PTPRD: variants seen among roughly 807,000 people sequenced by gnomAD.
The protein encoded by PTPRD is protein tyrosine phosphatase receptor type D.
Under a neutral mutation model 214.5 loss-of-function variants are expected in PTPRD, and 34 were observed. The observed-to-expected ratio is 0.16, with a 90% CI of 0.12 to 0.21. The LOEUF is 0.21. Among genes scored for constraint, PTPRD ranks in the 10% least tolerant of loss-of-function variants. The probability of loss-of-function intolerance (pLI) is 1.00; values close to 1 mark genes in which losing one functional copy is unlikely to be tolerated. For synonymous variants in PTPRD, 1,128 were observed against 845.7 expected, an observed-to-expected ratio of 1.33 and a Z score of -5.79; for missense variants, 2,545 against 2,398.7, an observed-to-expected ratio of 1.06 and a Z score of -1.27.
chr9:10,509,556 A>AC (rs2133696577), intron 2 of PTPRD, among the ~76,000 whole-genome samples: 1 of 4,626 alleles, frequency 2.2e-4, no homozygotes, highest in East Asian at 0.011. Flanking sequence ...TTTAATAAAT[A>AC]TTATATATAT....
At chr9:9,618,360 C>G (rs1255623286) in intron 7 of PTPRD, among the ~76,000 whole-genome samples, 1 of 151,714 alleles carries the variant, frequency 6.6e-6, no homozygotes, top group African/African-American at 2.4e-5. Flanking sequence ...ACTTTAACCT[C>G]TTTTTTCCTC....
At chr9:10,559,797 C>A (rs7873368) in intron 2 of PTPRD, among the ~76,000 whole-genome samples, 3 of 151,920 alleles carry the variant, frequency 2.0e-5, no homozygotes, top group African/African-American at 7.3e-5. Context: ...AGCCAAAAAA[C>A]ACATGAAAAA....
At chr9:8,818,287 T>C (rs1241332842) in intron 11 of PTPRD, among the ~76,000 whole-genome samples, 3 of 152,216 alleles carry the variant, frequency 2.0e-5, no homozygotes, top group Non-Finnish European at 2.9e-5. Flanking sequence ...TTACAATCTA[T>C]ATTCTCTGCC....
At chr9:9,208,674 T>C (rs866670914) in intron 9 of PTPRD, among the ~76,000 whole-genome samples, 8 of 152,216 alleles carry the variant, frequency 5.3e-5, no homozygotes, top group Admixed American at 6.5e-5. Flanking sequence ...TTTCTCTATG[T>C]AGAAAGAAAT....
chr9:10,503,586 T>C (rs905987341), intron 2 of PTPRD, among the ~76,000 whole-genome samples: 1 of 152,062 alleles, frequency 6.6e-6, no homozygotes, highest in African/African-American at 2.4e-5. Context: ...TTAACAAACA[T>C]TTTTGAGAGA....
chr9:9,329,389 T>C (rs1047177922), intron 9 of PTPRD, among the ~76,000 whole-genome samples: 1 of 152,178 alleles, frequency 6.6e-6, no homozygotes, highest in Non-Finnish European at 1.5e-5. Context: ...ACTTTATTAA[T>C]GCTTAAAGAA....
intron 36 of PTPRD, among the ~76,000 whole-genome samples, chr9:8,402,954 A>T (rs1034925854): frequency 3.3e-5 from 5 of 152,176 alleles, no homozygotes. Context: ...CACCATCCAA[A>T]GTAAATTTAT....
At chr9:9,239,867 T>A (rs1030768200) in intron 9 of PTPRD, among the ~76,000 whole-genome samples, 1 of 152,170 alleles carries the variant, frequency 6.6e-6, no homozygotes, top group African/African-American at 2.4e-5. Context: ...AAGATCCAGA[T>A]GTGCTCTGCC....
intron 9 of PTPRD, among the ~76,000 whole-genome samples, chr9:9,200,176 A>C (rs1326599720): frequency 1.3e-5 from 2 of 152,240 alleles, no homozygotes; most frequent in East Asian, 1.9e-4. Flanking sequence ...GCAAACAAAC[A>C]AAAACAAAAC....
chr9:10,335,222 C>T (rs1299170566), intron 3 of PTPRD, among the ~76,000 whole-genome samples: 1 of 151,704 alleles, frequency 6.6e-6, no homozygotes, highest in East Asian at 1.9e-4. Context: ...CTGTGTGGTA[C>T]TGGCAAAATA....
intron 11 of PTPRD, among the ~76,000 whole-genome samples, chr9:8,956,172 G>A (rs539811677): frequency 1.3e-5 from 2 of 151,982 alleles, no homozygotes; most frequent in African/African-American, 4.8e-5. Flanking sequence ...AGTGTGGGGT[G>A]AGTGAAAGGG....
At chr9:9,059,983 T>G (rs2154400496) in intron 10 of PTPRD, among the ~76,000 whole-genome samples, 1 of 152,298 alleles carries the variant, frequency 6.6e-6, no homozygotes, top group Non-Finnish European at 1.5e-5. Context: ...TGCAAGTTAT[T>G]TTTTAAATTT....
Position 8,930,703 on chromosome 9 carries a change from G to A in PTPRD, c.-104+87994C>T, listed in dbSNP as rs553730871. ...ATTGCAGCTTGATTTGCATTTCTCT[G>A]ATGGCCAGTGATGATGAGCATTTTT... On this transcript the variant is annotated intron_variant, in intron 11 of 45. Coordinates refer to ENST00000381196, the MANE Select transcript of PTPRD (RefSeq NM_002839.4). Among the ~76,000 whole-genome samples the A allele has an allele frequency of 1.9e-3, 296 of 152,260 alleles. 2 individuals carry two copies. The highest frequency in any genetic ancestry group is 6.9e-3 in the African/African-American group (285 of 41,558).
chr9:9,561,332 C>A (rs1569569291), intron 8 of PTPRD, among the ~76,000 whole-genome samples: 1 of 152,116 alleles, frequency 6.6e-6, no homozygotes, highest in Non-Finnish European at 1.5e-5. Flanking sequence ...CTTCTGTCCC[C>A]CTAAAATGTA....
chr9:10,328,432 G>T (rs1360466464), intron 3 of PTPRD, among the ~76,000 whole-genome samples: 1 of 151,684 alleles, frequency 6.6e-6, no homozygotes, highest in East Asian at 1.9e-4. Flanking sequence ...GGTTTTTCAA[G>T]ATTTGAGAGT....
At chr9:8,662,364 G>C (rs1240572969) in intron 12 of PTPRD, among the ~76,000 whole-genome samples, 1 of 152,136 alleles carries the variant, frequency 6.6e-6, no homozygotes, top group Non-Finnish European at 1.5e-5. Context: ...GATGACAAGA[G>C]AATGCTTGAG....
chr9:8,634,625 T>C (rs2154323268), intron 13 of PTPRD, among the ~76,000 whole-genome samples: 1 of 152,208 alleles, frequency 6.6e-6, no homozygotes, highest in Middle Eastern at 3.4e-3. Context: ...GCATACACTT[T>C]AAAATAAATC....
At chr9:9,715,480 TA>T (rs1187901775) in intron 7 of PTPRD, among the ~76,000 whole-genome samples, 2 of 152,006 alleles carry the variant, frequency 1.3e-5, no homozygotes, top group Non-Finnish European at 2.9e-5. Flanking sequence ...AATAAAAAAA[TA>T]AAAAATATAT....
intron 5 of PTPRD, among the ~76,000 whole-genome samples, chr9:9,937,426 T>TTA (rs2089940651): frequency 6.9e-6 from 1 of 144,710 alleles, no homozygotes; most frequent in East Asian, 2.0e-4. Flanking sequence ...CATAGATAAA[T>TTA]AAAAAAAAAA....
Sources: gnomAD v4.1 joint callset for allele counts (sites outside exome capture counted in the v4.1 genomes callset) on GRCh38, gnomAD v4.1.1 for gene constraint, MANE v1.5 for transcripts, NCBI Gene and HGNC (gene_info 2026-07-23, HGNC 2026-07-21) for gene names.